Variants in KLHL20 observed in about 807,000 individuals in gnomAD.
KLHL20 encodes the protein kelch like family member 20.
In KLHL20, 29 loss-of-function variants were observed where a neutral mutation model predicts 69.5. The observed-to-expected ratio is 0.42, with a 90% CI of 0.31 to 0.57. KLHL20 has a LOEUF of 0.57. Among genes scored for constraint, KLHL20 ranks in the 20% least tolerant of loss-of-function variants. The pLI is 0.18. For missense variants in KLHL20, 419 were observed against 776.0 expected (o/e 0.54, Z 5.47); for synonymous variants, 253 against 265.2 (o/e 0.95, Z 0.45).
intron 10 of KLHL20, among the ~76,000 whole-genome samples, chr1:173,777,583 C>G (rs73035157): frequency 6.6e-6 from 1 of 152,078 alleles, no homozygotes; most frequent in African/African-American, 2.4e-5. Flanking sequence ...GAGGTATGTT[C>G]CCTCTGTACC....
At chr1:173,720,135 A>T (rs1436766493) in intron 2 of KLHL20, among the ~76,000 whole-genome samples, 2 of 152,216 alleles carry the variant, frequency 1.3e-5, no homozygotes, top group Non-Finnish European at 2.9e-5. Context: ...AATATAATTA[A>T]TTAATTAATT....
chr1:173,725,460 T>C (rs1441329472), intron 2 of KLHL20, among the ~76,000 whole-genome samples: 2 of 152,188 alleles, frequency 1.3e-5, no homozygotes, highest in Non-Finnish European at 2.9e-5. Flanking sequence ...GCTGTTTTCA[T>C]ATTTAAGGAC....
At chr1:173,730,165 A>G (rs982871194) in intron 2 of KLHL20, among the ~76,000 whole-genome samples, 13 of 152,194 alleles carry the variant, frequency 8.5e-5, no homozygotes, top group Non-Finnish European at 1.5e-4. Context: ...CTTACAAGGG[A>G]TGTGAAGGAT....
intron 2 of KLHL20, among the ~76,000 whole-genome samples, chr1:173,724,876 G>A (rs1671885355): frequency 6.6e-6 from 1 of 152,106 alleles, no homozygotes; most frequent in Non-Finnish European, 1.5e-5. Context: ...AAGTATTTTA[G>A]GTATTTTATA....
intron 2 of KLHL20, among the ~76,000 whole-genome samples, chr1:173,720,764 A>G (rs1671678279): frequency 6.6e-6 from 1 of 152,184 alleles, no homozygotes. Flanking sequence ...AGTGTTATAA[A>G]TGACTCCAAA....
At chr1:173,774,476 C>G (rs1198807319) in intron 9 of KLHL20, 38 bp downstream of exon 9, 1 of 1,611,646 alleles carries the variant, frequency 6.2e-7, no homozygotes, top group Non-Finnish European at 8.5e-7. Flanking sequence ...TCCCCAAAAG[C>G]AGAACATTTT....
At chr1:173,779,818 C>G (rs957542905) in intron 10 of KLHL20, among the ~76,000 whole-genome samples, 10 of 152,158 alleles carry the variant, frequency 6.6e-5, no homozygotes, top group African/African-American at 2.4e-4. Flanking sequence ...ATACATCTGG[C>G]TCCACCCCTA....
intron 2 of KLHL20, among the ~76,000 whole-genome samples, chr1:173,723,523 G>A (rs1406251075): frequency 1.3e-5 from 2 of 152,144 alleles, no homozygotes; most frequent in Non-Finnish European, 2.9e-5. Flanking sequence ...AGATTTTTCT[G>A]TCCTTCTCAG....
chr1:173,741,685 C>G lies in KLHL20; in HGVS notation c.597+7399C>G, dbSNP rs1458630185. 5.5e-5 allele frequency: 52 copies of G among 945,346 alleles called. No individual in the cohort carries two copies. In the Admixed American group the frequency reaches 1.3e-3, roughly 24 times the overall value. The allele number at this position is 945,346 out of a possible 1,614,324, so 58.6% of individuals were successfully genotyped here. ...CCTTCCCACAAGAACATGCCTCTTG[C>G]AAAGGATCTCCTTCATCCCTCTCCA... On this transcript the variant is annotated intron_variant, in intron 3 of 11. Coordinates refer to ENST00000209884, the MANE Select transcript of KLHL20 (RefSeq NM_014458.4).
intron 3 of KLHL20, among the ~76,000 whole-genome samples, chr1:173,737,148 T>G (rs984663384): frequency 1.3e-5 from 2 of 152,262 alleles, no homozygotes; most frequent in Admixed American, 6.5e-5. Flanking sequence ...ATCTGTAGTT[T>G]GCAAACATTC....
chr1:173,774,264 TTAA>T (rs1648302567), intron 8 of KLHL20, 38 bp from the exon 9 acceptor site: 1 of 1,612,902 alleles, frequency 6.2e-7, no homozygotes, highest in Non-Finnish European at 8.5e-7. Flanking sequence ...AAGGCTTCAC[TTAA>T]TAAGAACAAG....
chr1:173,721,537 T>G (rs919344253), intron 2 of KLHL20, among the ~76,000 whole-genome samples: 2 of 152,216 alleles, frequency 1.3e-5, no homozygotes, highest in Non-Finnish European at 2.9e-5. Flanking sequence ...CTAGGAAGGC[T>G]TTTGCTATCC....
chr1:173,728,440 A>G (rs565326214), intron 2 of KLHL20, among the ~76,000 whole-genome samples: 1 of 152,206 alleles, frequency 6.6e-6, no homozygotes, highest in Non-Finnish European at 1.5e-5. Context: ...CAGAATGTAC[A>G]TTCTTTTCAG....
At chr1:173,737,893 G>T (rs1319701612) in intron 3 of KLHL20, among the ~76,000 whole-genome samples, 1 of 150,908 alleles carries the variant, frequency 6.6e-6, no homozygotes, top group Non-Finnish European at 1.5e-5. Flanking sequence ...TCTTTCAGCA[G>T]TGTTTTGGTA....
intron 11 of KLHL20, 120 bp downstream of exon 11, chr1:173,782,350 G>A: frequency 1.6e-6 from 1 of 616,094 alleles, no homozygotes; most frequent in South Asian, 2.4e-5. Context: ...GAAGAGGGCT[G>A]AAGTTACACA....
At chr1:173,765,576 T>A (rs1647648885) in intron 7 of KLHL20, among the ~76,000 whole-genome samples, 1 of 151,958 alleles carries the variant, frequency 6.6e-6, no homozygotes, top group African/African-American at 2.4e-5. Flanking sequence ...AAGAGAAATA[T>A]ATAAGGATGA....
chr1:173,775,666 C>G lies in KLHL20; in HGVS notation c.1462C>G (p.His488Asp). 1 of 1,614,156 alleles carries G rather than the reference C, an allele frequency of 6.2e-7. No individual in the cohort carries two copies. Among genetic ancestry groups the G allele is most frequent in the Non-Finnish European group, 8.5e-7 (1 of 1,180,008 alleles). ...TTACAATCCTCAGGAAAACAGATGG[C>G]ACACTATAGCCCCTATGGGGACCCG... ...ERYNPQENRW[H>D]TIAPMGTRRK... The change falls in exon 10 of 12, where the codon CAC (histidine) becomes GAC (aspartate). Residue 488 changes from histidine (H) to aspartate (D), a missense_variant. His to Asp is a moderately conservative substitution (Grantham distance 81). Transcript: ENST00000209884.
At chr1:173,729,905 G>T (rs920025493) in intron 2 of KLHL20, among the ~76,000 whole-genome samples, 1 of 152,072 alleles carries the variant, frequency 6.6e-6, no homozygotes, top group Non-Finnish European at 1.5e-5. Flanking sequence ...AGAATATTCA[G>T]TTAGGAAAAG....
chr1:173,733,242 G>A (rs1190944950), intron 2 of KLHL20, among the ~76,000 whole-genome samples: 6 of 151,960 alleles, frequency 3.9e-5, no homozygotes, highest in East Asian at 1.9e-4. Flanking sequence ...GGCTGGTTTC[G>A]AACTCCTGGC....
Sources: gnomAD v4.1 joint callset for allele counts (sites outside exome capture counted in the v4.1 genomes callset) on GRCh38, gnomAD v4.1.1 for gene constraint, MANE v1.5 for transcripts, NCBI Gene and HGNC (gene_info 2026-07-23, HGNC 2026-07-21) for gene names.